The following ANKRD6 variants were observed in gnomAD, a reference collection of about 807,000 sequenced individuals.
The protein encoded by ANKRD6 is ankyrin repeat domain-containing protein 6.
A neutral mutation model predicts 82.3 loss-of-function variants in ANKRD6; 56 were observed. The ratio of observed to expected loss-of-function variants is 0.68; its 90% CI spans 0.55 to 0.85. The LOEUF (loss-of-function observed/expected upper bound fraction) is 0.85, where lower values mean the gene tolerates loss of function less well. Ranked by LOEUF, ANKRD6 falls within the 40% of genes least tolerant of loss-of-function variation. ANKRD6 has a pLI of 0.00. For missense variants in ANKRD6, 852 were observed against 907.6 expected, an observed-to-expected ratio of 0.94 and a Z score of 0.79; for synonymous variants, 347 against 352.1, an observed-to-expected ratio of 0.99 and a Z score of 0.16.
At chr6:89,557,064 A>G (rs942493802) in intron 1 of ANKRD6, among the ~76,000 whole-genome samples, 1 of 152,286 alleles carries the variant, frequency 6.6e-6, no homozygotes, top group Admixed American at 6.5e-5. Context: ...GGAAATAGAT[A>G]GCTAGATGAA....
At chr6:89,622,098 G>A (rs182813590) in intron 10 of ANKRD6, 72 bp downstream of exon 10, 45 of 1,441,996 alleles carry the variant, frequency 3.1e-5, no homozygotes, top group Admixed American at 1.7e-4. Flanking sequence ...TCCCTGCTTC[G>A]GCCAGGTTCA....
chr6:89,484,296 C>T (rs768626398), intron 1 of ANKRD6, among the ~76,000 whole-genome samples: 5 of 152,108 alleles, frequency 3.3e-5, no homozygotes, highest in South Asian at 2.1e-4. Flanking sequence ...ATACGTGATG[C>T]GCTTACCACA....
chr6:89,614,006 G>C (rs1000899154), intron 7 of ANKRD6, 116 bp downstream of exon 7: 10 of 1,011,342 alleles, frequency 9.9e-6, no homozygotes, highest in Non-Finnish European at 1.4e-5. Context: ...TCACCTACCT[G>C]GGACTCAGCC....
At chr6:89,578,276 C>T (rs1401152750) in intron 2 of ANKRD6, among the ~76,000 whole-genome samples, 2 of 147,546 alleles carry the variant, frequency 1.4e-5, no homozygotes, top group Admixed American at 7.0e-5. Context: ...CTTTTTCCCC[C>T]TCCCGCCTCC....
chr6:89,456,450 G>C (rs548239893), intron 1 of ANKRD6, among the ~76,000 whole-genome samples: 1 of 152,288 alleles, frequency 6.6e-6, no homozygotes, highest in Admixed American at 6.5e-5. Context: ...GGCCTCTTTG[G>C]CTTCAGATGG....
At position 89,464,481 on chromosome 6, in the gene ANKRD6, T is replaced by C. The variant is rs140137102; in HGVS notation, c.-144+31106T>C. ...TCACAGTGTTAACTGCAAGCGCTTA[T>C]ATCTGTCAGGCCTTTGTTTGGAGGC... On this transcript the variant is annotated intron_variant, in intron 1 of 15. Transcript: ENST00000339746. Among the ~76,000 whole-genome samples, 14 of 152,308 alleles carry C rather than the reference T, an allele frequency of 9.2e-5. No homozygotes were observed. The East Asian group carries it at 2.5e-3, about 27-fold the overall frequency.
At chr6:89,444,577 A>G (rs948951411) in intron 1 of ANKRD6, among the ~76,000 whole-genome samples, 2 of 152,248 alleles carry the variant, frequency 1.3e-5, no homozygotes, top group Admixed American at 6.5e-5. Flanking sequence ...ACATTTTATC[A>G]TCCAATGACA....
chr6:89,462,267 A>AATAATAATAATC (rs1389385594), intron 1 of ANKRD6, among the ~76,000 whole-genome samples: 1 of 149,090 alleles, frequency 6.7e-6, no homozygotes, highest in East Asian at 1.9e-4. Flanking sequence ...TAATAATAAT[A>AATAATAATAATC]ATAAATACAT....
chr6:89,524,069 C>G (rs1012015367), intron 1 of ANKRD6, among the ~76,000 whole-genome samples: 54 of 152,204 alleles, frequency 3.5e-4, no homozygotes, highest in Non-Finnish European at 8.8e-5. Context: ...TAACCTTTGG[C>G]AGGAAAGGAA....
At chr6:89,503,634 CAAG>C (rs1779501897) in intron 1 of ANKRD6, among the ~76,000 whole-genome samples, 1 of 152,158 alleles carries the variant, frequency 6.6e-6, no homozygotes, top group Non-Finnish European at 1.5e-5. Flanking sequence ...GTTCTATTCT[CAAG>C]GAGCCAGAGA....
rs573433330 is a variant in ANKRD6, at chr6:89,584,586, G to A, written c.121-11330G>A. Among the ~76,000 whole-genome samples the A allele has an allele frequency of 3.9e-5, 6 of 152,308 alleles. No homozygotes were observed. The South Asian group carries it at 1.2e-3, about 32-fold the overall frequency. ...ATAATTTAGGGTATGTGGGTGAATAGGTAGCAGCTCTGCCTAGTCTGCTTT... is the reference window on the plus strand; with the variant it reads ...ATAATTTAGGGTATGTGGGTGAATAAGTAGCAGCTCTGCCTAGTCTGCTTT... On this transcript the variant is annotated intron_variant, in intron 2 of 15. Coordinates refer to ENST00000339746, the MANE Select transcript of ANKRD6 (RefSeq NM_001242809.2).
chr6:89,441,843 GC>G (rs201496789), intron 1 of ANKRD6, among the ~76,000 whole-genome samples: 8,512 of 151,720 alleles, frequency 0.056, 286 homozygotes, highest in South Asian at 0.14. Flanking sequence ...TGTTGGTCAG[GC>G]TGGTCTTGAA....
intron 1 of ANKRD6, among the ~76,000 whole-genome samples, chr6:89,435,822 A>G (rs1395348235): frequency 6.6e-6 from 1 of 152,234 alleles, no homozygotes; most frequent in African/African-American, 2.4e-5. Flanking sequence ...TTGAAGGATT[A>G]AGCTAAGAGT....
intron 2 of ANKRD6, among the ~76,000 whole-genome samples, chr6:89,595,065 T>A (rs532217517): frequency 3.3e-4 from 50 of 152,212 alleles, no homozygotes; most frequent in African/African-American, 1.0e-3. Context: ...AATTTTTTTT[T>A]AAAAAGAGGA....
chr6:89,505,432 A>T (rs1779728879), intron 1 of ANKRD6, among the ~76,000 whole-genome samples: 2 of 152,258 alleles, frequency 1.3e-5, no homozygotes, highest in African/African-American at 4.8e-5. Flanking sequence ...AATCACTGGC[A>T]GGGCTGGGCC....
intron 1 of ANKRD6, among the ~76,000 whole-genome samples, chr6:89,436,501 C>A (rs750543121): frequency 6.6e-6 from 1 of 152,138 alleles, no homozygotes. Context: ...TTGCAAAACA[C>A]CCAGTCAGGG....
At chr6:89,503,946 A>G (rs6939952) in intron 1 of ANKRD6, among the ~76,000 whole-genome samples, 50,706 of 151,850 alleles carry the variant, frequency 0.33, 8,749 homozygotes, top group African/African-American at 0.37. Flanking sequence ...TGATGTAATC[A>G]GAGAGGTAAG....
chr6:89,471,679 A>T (rs187289897), intron 1 of ANKRD6, among the ~76,000 whole-genome samples: 20 of 152,154 alleles, frequency 1.3e-4, no homozygotes, highest in Admixed American at 9.2e-4. Flanking sequence ...AGGAGAAAGG[A>T]TTCACATTTC....
At position 89,444,204 on chromosome 6, in the gene ANKRD6, A is replaced by G. The variant is rs115068806; in HGVS notation, c.-144+10829A>G. 4.7e-3 allele frequency among the ~76,000 whole-genome samples: 717 copies of G among 152,362 alleles called. 5 individuals carry two copies. Among genetic ancestry groups the G allele is most frequent in the African/African-American group, 0.016 (676 of 41,590 alleles). ...ATTTTCTGAATCTCCAGAAGGTACT[A>G]TCCTGAGTTACAGAATATCTATTGA... On this transcript the variant is annotated intron_variant, in intron 1 of 15. Transcript: ENST00000339746.
Sources: gnomAD v4.1 joint callset for allele counts (sites outside exome capture counted in the v4.1 genomes callset) on GRCh38, gnomAD v4.1.1 for gene constraint, MANE v1.5 for transcripts, NCBI Gene and HGNC (gene_info 2026-07-23, HGNC 2026-07-21) for gene names.